CHERP: variants seen among roughly 807,000 people sequenced by gnomAD.
The protein encoded by CHERP is calcium homeostasis endoplasmic reticulum protein, also known as ERPROT 213-21.
CHERP carries 8 observed loss-of-function variants against 113.8 expected under a neutral mutation model. That is an observed-to-expected ratio of 0.07 (90% CI 0.04 to 0.13). The LOEUF (loss-of-function observed/expected upper bound fraction) is 0.13, where lower values mean the gene tolerates loss of function less well. Ranked by LOEUF, CHERP falls within the 10% of genes least tolerant of loss-of-function variation. The pLI, the probability that CHERP is intolerant of heterozygous loss-of-function variation, is 1.00. For synonymous variants in CHERP, 559 were observed against 524.5 expected (o/e 1.07, Z -0.90); for missense variants, 884 against 1,298.2 (o/e 0.68, Z 4.90).
Position 16,520,075 on chromosome 19 carries a change from A to C in CHERP, c.2462+74T>G, listed in dbSNP as rs2085594921. 1.4e-6 allele frequency: 2 copies of C among 1,474,964 alleles called. No individual in the cohort carries two copies. The highest frequency in any genetic ancestry group is 2.3e-5 in the South Asian group (2 of 85,682). The allele number at this position is 1,474,964 out of a possible 1,614,324, so 91.4% of individuals were successfully genotyped here. A position where few individuals can be genotyped will look rare whatever the true frequency, so the allele number is the denominator to read the frequency against. ...CTCCTAACACAGTCTCCTAACCACC[A>C]ATGTTTCCACATTCACAGCAAAGCA... On this transcript the variant is annotated intron_variant, in intron 15 of 16. Coordinates refer to ENST00000546361, the MANE Select transcript of CHERP (RefSeq NM_006387.6). The surrounding 1 kb of genome is among the most constrained non-coding windows in gnomAD (Gnocchi z 4.0).
At chr19:16,529,957 G>GC in intron 7 of CHERP, 57 bp from the exon 8 acceptor site, 1 of 1,560,620 alleles carries the variant, frequency 6.4e-7, no homozygotes, top group Non-Finnish European at 8.7e-7. Flanking sequence ...TCGCTGCCTG[G>GC]CGCCAGAGGA....
rs187736960 is a variant in CHERP at position 16,520,629 on chromosome 19, G to T, written c.2202-122C>A. 1.1e-4 allele frequency: 134 copies of T among 1,259,302 alleles called. No individual in the cohort carries two copies. In the African/African-American group the frequency reaches 1.8e-3, roughly 17 times the overall value. The allele number at this position is 1,259,302 out of a possible 1,614,324, so 78.0% of individuals were successfully genotyped here. A position where few individuals can be genotyped will look rare whatever the true frequency, so the allele number is the denominator to read the frequency against. On this transcript the variant is annotated intron_variant, in intron 13 of 16. Transcript: ENST00000546361. The surrounding 1 kb of genome is among the most constrained non-coding windows in gnomAD (Gnocchi z 4.0). Reference sequence around the variant, plus strand: ...CTCTGGCTGTGGATGTGGCGCCATAGCCACAGCAACGGTACCAAGTTCCTA... The same window carrying T: ...CTCTGGCTGTGGATGTGGCGCCATATCCACAGCAACGGTACCAAGTTCCTA...
Position 16,528,279 on chromosome 19 carries a change from A to G in CHERP, c.1130-24T>C, listed in dbSNP as rs757205632. The G allele has an allele frequency of 2.6e-6, 4 of 1,546,972 alleles. No homozygotes were observed. In the South Asian group the frequency reaches 3.8e-5, roughly 15 times the overall value. On this transcript the variant is annotated intron_variant, in intron 8 of 16. Coordinates refer to ENST00000546361, the MANE Select transcript of CHERP (RefSeq NM_006387.6). ...ATCTAAATCCAAGTGACAGGCAGTT[A>G]GAGCAGGCCTGGCAGCAGGAGGCGC...
rs1045270625 is a variant in CHERP, at chr19:16,519,509, C to T, written c.2557+112G>A. 24 of 1,248,408 alleles carry T rather than the reference C, an allele frequency of 1.9e-5. No homozygotes were observed. In the Admixed American group the frequency reaches 2.2e-4, roughly 11 times the overall value. The allele number at this position is 1,248,408 out of a possible 1,614,324, so 77.3% of individuals were successfully genotyped here. A position where few individuals can be genotyped will look rare whatever the true frequency, so the allele number is the denominator to read the frequency against. ...TAGAGGGTCTGGGTGGAGTCAGAAC[C>T]GGCCTGACTCCATCCATCCCCACAT... is the stretch of plus-strand genomic sequence containing the variant. On this transcript the variant is annotated intron_variant, in intron 16 of 16. Transcript: ENST00000546361. This position sits in a 1 kb window ranked among gnomAD's most constrained non-coding sequence, Gnocchi z 6.0.
intron 8 of CHERP, among the ~76,000 whole-genome samples, 172 bp downstream of exon 8, chr19:16,529,476 G>C (rs1467199256): frequency 6.6e-6 from 1 of 152,164 alleles, no homozygotes; most frequent in Non-Finnish European, 1.5e-5. Flanking sequence ...TTTTACTCTA[G>C]GATCACCTGG....
intron 1 of CHERP, 34 bp from the exon 2 acceptor site, chr19:16,542,077 A>C: frequency 6.3e-7 from 1 of 1,588,768 alleles, no homozygotes; most frequent in Non-Finnish European, 8.6e-7. Flanking sequence ...GCGGGGCGTC[A>C]GCGAGGACCG....
intron 2 of CHERP, among the ~76,000 whole-genome samples, chr19:16,537,845 C>T (rs1323274556): frequency 6.6e-6 from 1 of 152,176 alleles, no homozygotes; most frequent in Non-Finnish European, 1.5e-5. Flanking sequence ...GTTATGGAAC[C>T]AGAAAGGGAG....
chr19:16,541,721 G>A (rs2085781212), intron 2 of CHERP, 149 bp downstream of exon 2: 3 of 843,148 alleles, frequency 3.6e-6, no homozygotes, highest in Non-Finnish European at 5.6e-6. Context: ...GCAGGGCCGT[G>A]GGAACAGCGG....
chr19:16,540,952 A>G (rs1307926176), intron 2 of CHERP, among the ~76,000 whole-genome samples: 1 of 150,534 alleles, frequency 6.6e-6, no homozygotes, highest in African/African-American at 2.4e-5. Context: ...CCCGCCTTGG[A>G]CTCCCAAAGT....
In CHERP at chr19:16,532,295, C is replaced by T. The variant is rs1356940721; in HGVS notation, c.674+303G>A. 3.0e-6 allele frequency: 1 copy of T among 330,880 alleles called. No individual in the cohort carries two copies. Among genetic ancestry groups the T allele is most frequent in the African/African-American group, 2.1e-5 (1 of 47,140 alleles). 20.5% of individuals were successfully genotyped at this position (330,880 alleles called of 1,614,324 possible). On this transcript the variant is annotated intron_variant, in intron 5 of 16. Coordinates refer to ENST00000546361, the MANE Select transcript of CHERP (RefSeq NM_006387.6). This position sits in a 1 kb window ranked among gnomAD's most constrained non-coding sequence, Gnocchi z 4.4. The stretch of plus-strand genomic sequence containing the variant: ...CAACAAGGAGACGCCAAGAAGCTGC[C>T]CCATGAGAGGAAGGAGTGCAGGGGA...
chr19:16,540,748 A>G (rs1215335083), intron 2 of CHERP, among the ~76,000 whole-genome samples: 1 of 147,624 alleles, frequency 6.8e-6, no homozygotes, highest in Non-Finnish European at 1.5e-5. Flanking sequence ...CTCAGACTGC[A>G]GTGCAATGGC....
rs547209070 is a variant in CHERP, at chr19:16,535,247, C to T, written c.384+205G>A. Among the ~76,000 whole-genome samples, 9 of 152,344 alleles carry T rather than the reference C, an allele frequency of 5.9e-5. No homozygotes were observed. In the South Asian group the frequency reaches 6.2e-4, roughly 11 times the overall value. On this transcript the variant is annotated intron_variant, in intron 3 of 16. Transcript: ENST00000546361. This position sits in a 1 kb window ranked among gnomAD's most constrained non-coding sequence, Gnocchi z 4.3. ...CACCCCAGGGTGATGGGTGCACGCA[C>T]GTCCAGTGGCTTCACTGAGATGAGA...
chr19:16,521,343 T>C (rs977185309), intron 12 of CHERP, 178 bp downstream of exon 12: 3 of 600,220 alleles, frequency 5.0e-6, no homozygotes, highest in South Asian at 4.6e-5. Context: ...TAAAACGCCC[T>C]TCATTGAGGG....
chr19:16,530,995 C>T lies in CHERP; in HGVS notation c.675-115G>A, dbSNP rs912923813. 2.0e-6 allele frequency: 3 copies of T among 1,477,674 alleles called. No homozygotes were observed. The highest frequency in any genetic ancestry group is 4.3e-5 in the Admixed American group (2 of 46,560). The allele number at this position is 1,477,674 out of a possible 1,614,324, so 91.5% of individuals were successfully genotyped here. ...TCTGCCTTCTCGGGAATCGGGTCCC[C>T]AACCCGGTCAGGGCGATGGCTGGGC... On this transcript the variant is annotated intron_variant, in intron 5 of 16. Coordinates refer to ENST00000546361, the MANE Select transcript of CHERP (RefSeq NM_006387.6). The surrounding 1 kb of genome is among the most constrained non-coding windows in gnomAD (Gnocchi z 4.1).
chr19:16,522,951 G>T (rs1025535711), intron 11 of CHERP, 101 bp downstream of exon 11: 2 of 1,356,536 alleles, frequency 1.5e-6, no homozygotes, highest in Non-Finnish European at 2.0e-6. Flanking sequence ...ATGAAGGGGA[G>T]CCCCGGAAGG....
rs531479552 is a variant in CHERP, at chr19:16,522,297, C to T, written c.1981-643G>A. 2.3e-4 allele frequency among the ~76,000 whole-genome samples: 34 copies of T among 150,954 alleles called. No homozygotes were observed. In the South Asian group the frequency reaches 4.0e-3, roughly 18 times the overall value. ...TTTTTTTGAGACGGAGTCCTGCTCT[C>T]GCCCAGGCTGGAGTGTAGTGGCGTG... On this transcript the variant is annotated intron_variant, in intron 11 of 16. Transcript: ENST00000546361.
In CHERP at chr19:16,532,820, GC is replaced by G; in HGVS notation, c.523-72del. 6.4e-7 allele frequency: 1 copy of G among 1,561,804 alleles called. No individual in the cohort carries two copies. The highest frequency in any genetic ancestry group is 1.2e-5 in the South Asian group (1 of 83,262). ...CCAGGCACCCACTGCATCCCTGAGA[GC>G]GCGTCACCATCAGCTCAGGGAAGGA... On this transcript the variant is annotated intron_variant, in intron 4 of 16. Transcript: ENST00000546361. This position sits in a 1 kb window ranked among gnomAD's most constrained non-coding sequence, Gnocchi z 4.4.
At position 16,542,313 on chromosome 19, in the gene CHERP, C is replaced by CG. The variant is rs762480251; in HGVS notation, c.25+40dup. ...GGCGGGGCCGGCCAATAGGAGGTTC[C>CG]GGGGAGAGAGAAACGGTCTCTCGGC... On this transcript the variant is annotated intron_variant, in intron 1 of 16. Coordinates refer to ENST00000546361, the MANE Select transcript of CHERP (RefSeq NM_006387.6). The CG allele has an allele frequency of 3.6e-6, 5 of 1,405,156 alleles. No individual in the cohort carries two copies. The Admixed American group carries it at 1.5e-4, about 43-fold the overall frequency. 87.0% of individuals were successfully genotyped at this position (1,405,156 alleles called of 1,614,324 possible). A position where few individuals can be genotyped will look rare whatever the true frequency, so the allele number is the denominator to read the frequency against.
chr19:16,528,290 G>A, intron 8 of CHERP, 35 bp from the exon 9 acceptor site: 1 of 1,530,782 alleles, frequency 6.5e-7, no homozygotes, highest in Non-Finnish European at 8.8e-7. Flanking sequence ...GAGCAGGCCT[G>A]GCAGCAGGAG....
Sources: gnomAD v4.1 joint callset for allele counts (sites outside exome capture counted in the v4.1 genomes callset) on GRCh38, gnomAD v4.1.1 for gene constraint, Gnocchi (gnomAD v3.1) non-coding constraint, MANE v1.5 for transcripts, NCBI Gene and HGNC (gene_info 2026-07-23, HGNC 2026-07-21) for gene names.